LRRC37A2: variants seen among roughly 807,000 people sequenced by gnomAD.
LRRC37A2 encodes the protein leucine-rich repeat-containing protein 37A2.
A neutral mutation model predicts 68.8 loss-of-function variants in LRRC37A2; 9 were observed. The ratio of observed to expected loss-of-function variants is 0.13; its 90% CI spans 0.08 to 0.23. The LOEUF (loss-of-function observed/expected upper bound fraction) is 0.23, where lower values mean the gene tolerates loss of function less well. Among genes scored for constraint, LRRC37A2 ranks in the 10% least tolerant of loss-of-function variants. The probability of loss-of-function intolerance (pLI) is 1.00; values close to 1 mark genes in which losing one functional copy is unlikely to be tolerated. For missense variants in LRRC37A2, 168 were observed against 950.4 expected (o/e 0.18, Z 10.82); for synonymous variants, 63 against 367.6 (o/e 0.17, Z 9.48).
chr17:46,941,879 C>T, the LRRC37A2 span: 1 of 972,508 alleles, frequency 1.0e-6, no homozygotes, highest in Non-Finnish European at 1.2e-6. Context: ...AGCCACTGTA[C>T]CTGGCCTCTA....
chr17:46,815,841 C>G, the LRRC37A2 span, among the ~76,000 whole-genome samples: 2 of 152,140 alleles, frequency 1.3e-5, no homozygotes, highest in African/African-American at 4.8e-5. Flanking sequence ...CCCTCCAGGC[C>G]CATGGCTGCC....
chr17:46,911,037 G>C, the LRRC37A2 span, among the ~76,000 whole-genome samples: 1 of 152,224 alleles, frequency 6.6e-6, no homozygotes, highest in Non-Finnish European at 1.5e-5. Context: ...GGAGAGGAAG[G>C]TGGGTGCAGA....
At chr17:46,769,982 G>A in the LRRC37A2 span, 6 of 1,609,540 alleles carry the variant, frequency 3.7e-6, no homozygotes, top group South Asian at 2.2e-5. Context: ...CTCGGCGCAG[G>A]AGCGGGTGAC....
chr17:46,789,569 T>G, the LRRC37A2 span, among the ~76,000 whole-genome samples: 1 of 145,678 alleles, frequency 6.9e-6, no homozygotes, highest in African/African-American at 2.6e-5. Flanking sequence ...TTTAATCTGA[T>G]CTAACCAAGC....
chr17:46,887,082 G>A, the LRRC37A2 span, among the ~76,000 whole-genome samples: 1 of 152,170 alleles, frequency 6.6e-6, no homozygotes, highest in Non-Finnish European at 1.5e-5. Flanking sequence ...CTCCCAAAGT[G>A]CTGGGATTAC....
the LRRC37A2 span, among the ~76,000 whole-genome samples, chr17:47,023,758 C>G: frequency 6.6e-5 from 10 of 151,988 alleles, no homozygotes; most frequent in Non-Finnish European, 1.3e-4. Context: ...TCACACCCAG[C>G]TAATTTATGT....
the LRRC37A2 span, among the ~76,000 whole-genome samples, chr17:46,840,037 T>C: frequency 2.1e-5 from 3 of 144,032 alleles, no homozygotes; most frequent in South Asian, 7.1e-4. Context: ...CTTTCTTTTC[T>C]TTCTTTCTTT....
the LRRC37A2 span, among the ~76,000 whole-genome samples, chr17:46,943,553 G>T: frequency 6.6e-6 from 1 of 152,176 alleles, no homozygotes; most frequent in African/African-American, 2.4e-5. Context: ...CATACTGCAC[G>T]CTTCCTGCGG....
the LRRC37A2 span, among the ~76,000 whole-genome samples, chr17:46,824,879 C>T: frequency 2.0e-4 from 30 of 152,342 alleles, no homozygotes; most frequent in South Asian, 1.2e-3. Context: ...TCGCTTGGTT[C>T]CTGTGTCCCT....
the LRRC37A2 span, among the ~76,000 whole-genome samples, chr17:47,002,031 G>A: frequency 2.0e-5 from 3 of 151,860 alleles, no homozygotes; most frequent in Non-Finnish European, 4.4e-5. Flanking sequence ...GAGCCACCAC[G>A]CCTGGTCCTG....
chr17:46,797,157 G>A, the LRRC37A2 span, among the ~76,000 whole-genome samples: 1 of 152,172 alleles, frequency 6.6e-6, no homozygotes, highest in Non-Finnish European at 1.5e-5. Context: ...AACACCAAGA[G>A]GCTCCAAGTT....
the LRRC37A2 span, among the ~76,000 whole-genome samples, chr17:46,417,680 T>TA: frequency 1.5e-5 from 1 of 65,164 alleles, no homozygotes; most frequent in Non-Finnish European, 3.7e-5. Context: ...CTGGAGAACT[T>TA]AGACTTTGTA....
chr17:46,935,284 C>T, the LRRC37A2 span: 1 of 1,586,298 alleles, frequency 6.3e-7, no homozygotes. Context: ...ATTTTGATGA[C>T]AAGACAGAGC....
At chr17:47,021,289 A>T in the LRRC37A2 span, among the ~76,000 whole-genome samples, 1 of 143,888 alleles carries the variant, frequency 6.9e-6, no homozygotes, top group Non-Finnish European at 1.5e-5. Context: ...AGTGTCCAAA[A>T]GGAAAAGCTT....
chr17:46,935,547 G>A, the LRRC37A2 span: 2 of 1,227,762 alleles, frequency 1.6e-6, no homozygotes, highest in Non-Finnish European at 2.0e-6. Context: ...CTTTAAGGTG[G>A]CTTTCCCTTA....
the LRRC37A2 span, among the ~76,000 whole-genome samples, chr17:46,715,573 G>T: frequency 2.0e-5 from 3 of 152,160 alleles, no homozygotes; most frequent in South Asian, 6.2e-4. Flanking sequence ...TTCTACCTCA[G>T]ATGTACTCTG....
At chr17:46,939,965 A>G in the LRRC37A2 span, 3 of 1,007,620 alleles carry the variant, frequency 3.0e-6, no homozygotes, top group Non-Finnish European at 3.6e-6. Flanking sequence ...GCTTCATGGC[A>G]AGACATAAAA....
Position 46,543,234 on chromosome 17 carries a change from T to A in LRRC37A2, c.3053+2353T>A, listed in dbSNP as rs563903286. The stretch of plus-strand genomic sequence containing the variant: ...AAGTCTTCAGGAGTTTACACATTTA[T>A]GTACAAAGTAAGTAGGCCAGCTCAT... On this transcript the variant is annotated intron_variant, in intron 8 of 14. Coordinates refer to ENST00000576629, the Ensembl canonical transcript of LRRC37A2. 1.2e-3 allele frequency among the ~76,000 whole-genome samples: 174 copies of A among 150,698 alleles called. 4 individuals are homozygous for A. In the Middle Eastern group the frequency reaches 0.014, roughly 12 times the overall value.
chr17:46,492,796 C>G, the LRRC37A2 span, among the ~76,000 whole-genome samples: 1 of 146,916 alleles, frequency 6.8e-6, no homozygotes, highest in African/African-American at 2.6e-5. Context: ...CGGGTTCATG[C>G]CATTCTCCTG....
Sources: gnomAD v4.1 joint callset for allele counts (sites outside exome capture counted in the v4.1 genomes callset) on GRCh38, gnomAD v4.1.1 for gene constraint, MANE v1.5 for transcripts, NCBI Gene and HGNC (gene_info 2026-07-23, HGNC 2026-07-21) for gene names.